Variants in DLGAP4 observed in about 807,000 individuals in gnomAD.
DLGAP4 encodes DLG associated protein 4, also known as disks large-associated protein 4.
Under a neutral mutation model 86.9 loss-of-function variants are expected in DLGAP4, and 18 were observed. The ratio of observed to expected loss-of-function variants is 0.21; its 90% CI spans 0.14 to 0.31. The LOEUF (loss-of-function observed/expected upper bound fraction) is 0.31, where lower values mean the gene tolerates loss of function less well. Among genes scored for constraint, DLGAP4 ranks in the 10% least tolerant of loss-of-function variants. The pLI is 1.00. For missense variants in DLGAP4, 1,085 were observed against 1,362.6 expected (o/e 0.80, Z 3.21); for synonymous variants, 548 against 574.3 (o/e 0.95, Z 0.65).
intron 1 of DLGAP4, among the ~76,000 whole-genome samples, chr20:36,331,157 C>T (rs1183420464): frequency 6.6e-6 from 1 of 152,202 alleles, no homozygotes; most frequent in African/African-American, 2.4e-5. Context: ...ATGGCTACTT[C>T]CACGTGGTGA....
intron 2 of DLGAP4, among the ~76,000 whole-genome samples, chr20:36,412,225 C>A (rs187472834): frequency 6.6e-6 from 1 of 152,314 alleles, no homozygotes; most frequent in Non-Finnish European, 1.5e-5. Context: ...CAGTGGGGGC[C>A]GGAATGAAAC....
rs534589390 is a variant in DLGAP4, at chr20:36,394,594, C to G, written c.-73+27319C>G. On this transcript the variant is annotated intron_variant, in intron 2 of 12. Coordinates refer to ENST00000339266, the MANE Select transcript of DLGAP4 (RefSeq NM_001365621.2). ...GGTACATGCACGTGTGCGCACGAGC[C>G]TCCGTGAGTAATTCCAGCGGTGCTT... Among the ~76,000 whole-genome samples the G allele has an allele frequency of 2.0e-4, 31 of 152,280 alleles. No individual in the cohort carries two copies. The South Asian group carries it at 6.4e-3, about 32-fold the overall frequency.
At chr20:36,483,817 C>T (rs1197170405) in intron 7 of DLGAP4, among the ~76,000 whole-genome samples, 3 of 152,250 alleles carry the variant, frequency 2.0e-5, no homozygotes, top group Non-Finnish European at 2.9e-5. Flanking sequence ...GGTTCTGCAC[C>T]AGCGGTCACC....
chr20:36,330,195 C>G (rs955640682), intron 1 of DLGAP4, among the ~76,000 whole-genome samples: 1 of 152,176 alleles, frequency 6.6e-6, no homozygotes, highest in African/African-American at 2.4e-5. Context: ...CAGTGTGTCT[C>G]GTTCTTCCAG....
chr20:36,427,766 A>G (rs1280315618), intron 2 of DLGAP4, among the ~76,000 whole-genome samples: 3 of 152,048 alleles, frequency 2.0e-5, no homozygotes, highest in Non-Finnish European at 2.9e-5. Flanking sequence ...AACATGGTGA[A>G]AACCTGTCTC....
At chr20:36,377,282 A>G (rs1413702481) in intron 2 of DLGAP4, among the ~76,000 whole-genome samples, 1 of 152,210 alleles carries the variant, frequency 6.6e-6, no homozygotes, top group East Asian at 1.9e-4. Flanking sequence ...ATAGCTTGGC[A>G]GAGAGTCTGT....
At chr20:36,440,549 G>C (rs1430603072) in intron 5 of DLGAP4, among the ~76,000 whole-genome samples, 2 of 152,120 alleles carry the variant, frequency 1.3e-5, no homozygotes, top group Non-Finnish European at 2.9e-5. Context: ...ACCACCCCCA[G>C]AGGTGGCCTT....
chr20:36,497,886 A>T (rs2035956725), intron 8 of DLGAP4: 1 of 155,220 alleles, frequency 6.4e-6, no homozygotes, highest in African/African-American at 2.4e-5. Context: ...CTAAATCCAG[A>T]TTGAGTGGAC....
At chr20:36,468,428 A>C (rs1162219950) in intron 7 of DLGAP4, among the ~76,000 whole-genome samples, 1 of 152,242 alleles carries the variant, frequency 6.6e-6, no homozygotes, top group Non-Finnish European at 1.5e-5. Context: ...GGGAAAGGGA[A>C]GGGGACTAGT....
intron 2 of DLGAP4, among the ~76,000 whole-genome samples, chr20:36,413,711 G>A (rs1450354735): frequency 5.3e-5 from 8 of 152,140 alleles, no homozygotes; most frequent in South Asian, 2.1e-4. Context: ...AAGCCACCGC[G>A]CCCGGCCTAT....
chr20:36,448,804 C>T (rs1283777136), intron 7 of DLGAP4, among the ~76,000 whole-genome samples: 2 of 152,076 alleles, frequency 1.3e-5, no homozygotes, highest in African/African-American at 2.4e-5. Context: ...TGTGGTGGTG[C>T]ACACCTGTAG....
chr20:36,329,757 G>T (rs956422935), intron 1 of DLGAP4, among the ~76,000 whole-genome samples: 1 of 150,668 alleles, frequency 6.6e-6, no homozygotes, highest in Non-Finnish European at 1.5e-5. Flanking sequence ...ATTAGGCCAG[G>T]TGCGATGGCT....
intron 7 of DLGAP4, among the ~76,000 whole-genome samples, chr20:36,451,348 C>CTTGA (rs1203987043): frequency 3.9e-5 from 6 of 152,224 alleles, no homozygotes; most frequent in Admixed American, 2.0e-4. Flanking sequence ...TACCTGGTAT[C>CTTGA]TTGATTGATT....
At chr20:36,344,544 G>T (rs2065416742) in intron 1 of DLGAP4, among the ~76,000 whole-genome samples, 1 of 152,226 alleles carries the variant, frequency 6.6e-6, no homozygotes, top group Non-Finnish European at 1.5e-5. Flanking sequence ...CAAAAGAGGA[G>T]CTGGCCTGAG....
intron 7 of DLGAP4, among the ~76,000 whole-genome samples, chr20:36,478,998 C>G (rs765498725): frequency 5.9e-5 from 9 of 152,208 alleles, no homozygotes; most frequent in Non-Finnish European, 8.8e-5. Context: ...CACTAATGTT[C>G]AGCCACTCCT....
At chr20:36,357,838 C>T (rs535833920) in intron 1 of DLGAP4, among the ~76,000 whole-genome samples, 50 of 152,170 alleles carry the variant, frequency 3.3e-4, no homozygotes, top group African/African-American at 1.0e-3. Context: ...GCAAGTGGGA[C>T]GGGAGGAGAC....
intron 2 of DLGAP4, among the ~76,000 whole-genome samples, chr20:36,404,248 C>T (rs57401740): frequency 2.6e-5 from 4 of 152,144 alleles, no homozygotes; most frequent in African/African-American, 9.7e-5. Context: ...TTGGTGATTC[C>T]TAAGAGTTCC....
In DLGAP4 at chr20:36,457,735, C is replaced by T. The variant is rs1463338019; in HGVS notation, c.1648+10798C>T. On this transcript the variant is annotated intron_variant, in intron 7 of 12. Coordinates refer to ENST00000339266, the MANE Select transcript of DLGAP4 (RefSeq NM_001365621.2). ...TTTCACCGTGGTAGCCAGGATGGTC[C>T]TGATCTCCTGACCTCATGATCCGCA... Among the ~76,000 whole-genome samples the T allele has an allele frequency of 3.3e-5, 5 of 151,240 alleles. No homozygotes were observed. In the East Asian group the frequency reaches 9.7e-4, roughly 29 times the overall value.
intron 2 of DLGAP4, among the ~76,000 whole-genome samples, chr20:36,421,997 C>T (rs866255033): frequency 6.6e-6 from 1 of 152,066 alleles, no homozygotes; most frequent in Admixed American, 6.6e-5. Context: ...AGCATTTAGA[C>T]GTCAGAGGAG....
Sources: allele counts gnomAD v4.1 joint callset (sites outside exome capture counted in the v4.1 genomes callset), GRCh38; gene constraint gnomAD v4.1.1; transcripts MANE v1.5; gene names NCBI Gene and HGNC (gene_info 2026-07-23, HGNC 2026-07-21).